The following THSD4 variants were observed in gnomAD, a reference collection of about 807,000 sequenced individuals.
The protein encoded by THSD4 is thrombospondin type 1 domain containing 4.
In THSD4, 69 loss-of-function variants were observed where a neutral mutation model predicts 119.0. The observed-to-expected ratio is 0.58, with a 90% CI of 0.48 to 0.71. The LOEUF is 0.71. THSD4 is among the 30% of genes least tolerant of loss of function. The pLI is 0.00. For missense variants in THSD4, 1,393 were observed against 1,391.1 expected (o/e 1.00, Z -0.02); for synonymous variants, 524 against 540.4 (o/e 0.97, Z 0.42).
rs796995792 is a variant in THSD4 at position 71,600,748 on chromosome 15, C to T, written c.1153-59782C>T. Among the ~76,000 whole-genome samples, 84 of 139,830 alleles carry T rather than the reference C, an allele frequency of 6.0e-4. 1 individual carries two copies. Among genetic ancestry groups the T allele is most frequent in the South Asian group, 2.4e-3 (11 of 4,550 alleles). The allele number at this position is 139,830 out of a possible 152,430, so 91.7% of individuals were successfully genotyped here. ...TGCCTGTCTTTTTTTTTCTTTCTTT[C>T]TTTTTTTTTTTGAGACAGAGTCTTG... On this transcript the variant is annotated intron_variant, in intron 7 of 17. Transcript: ENST00000261862.
chr15:71,591,100 A>G (rs1369634752), intron 7 of THSD4, among the ~76,000 whole-genome samples: 1 of 151,866 alleles, frequency 6.6e-6, no homozygotes, highest in Non-Finnish European at 1.5e-5. Context: ...AGTAATGACA[A>G]TATCTTGTGT....
In THSD4 at chr15:71,291,162, C is replaced by T. The variant is rs78385626; in HGVS notation, c.1015+34447C>T. ...CCTAATCACCCCCATGTAGTTACAA[C>T]TGAACTTTTAAATAGTTATTGTTTA... On this transcript the variant is annotated intron_variant, in intron 6 of 17. Transcript: ENST00000261862. Among the ~76,000 whole-genome samples, 445 of 152,208 alleles carry T rather than the reference C, an allele frequency of 2.9e-3. 1 individual carries two copies. The highest frequency in any genetic ancestry group is 1.0e-2 in the African/African-American group (414 of 41,526).
intron 4 of THSD4, among the ~76,000 whole-genome samples, chr15:71,232,506 C>T (rs1193890764): frequency 1.3e-5 from 2 of 151,844 alleles, no homozygotes; most frequent in African/African-American, 4.8e-5. Context: ...GCAGACTGCC[C>T]CCGAGAGTAC....
intron 6 of THSD4, among the ~76,000 whole-genome samples, chr15:71,310,863 G>A (rs1281503726): frequency 6.6e-6 from 1 of 152,152 alleles, no homozygotes; most frequent in Non-Finnish European, 1.5e-5. Context: ...AGGGGGGCAG[G>A]AGAATGTCAA....
At chr15:71,766,266 G>A (rs958499141) in intron 16 of THSD4, among the ~76,000 whole-genome samples, 6 of 151,950 alleles carry the variant, frequency 3.9e-5, no homozygotes, top group Admixed American at 3.9e-4. Context: ...ATCATTCCAG[G>A]TGACCAGAAA....
chr15:71,623,143 G>A (rs908127943), intron 7 of THSD4, among the ~76,000 whole-genome samples: 2 of 152,160 alleles, frequency 1.3e-5, no homozygotes, highest in African/African-American at 4.8e-5. Context: ...GAATTGGAGG[G>A]AAGGGGTAAT....
At chr15:71,265,596 G>A (rs190022504) in intron 6 of THSD4, among the ~76,000 whole-genome samples, 105 of 152,180 alleles carry the variant, frequency 6.9e-4, no homozygotes, top group Middle Eastern at 3.4e-3. Flanking sequence ...TGGAATGCCA[G>A]TGAGACAAAA....
At chr15:71,385,893 G>A (rs898157768) in intron 6 of THSD4, among the ~76,000 whole-genome samples, 4 of 152,192 alleles carry the variant, frequency 2.6e-5, no homozygotes, top group Non-Finnish European at 5.9e-5. Flanking sequence ...TGTTCATGCT[G>A]TGAGTTTAAC....
In THSD4 at chr15:71,561,863, AACACACACACACACACAC is replaced by A. The variant is rs71154780; in HGVS notation, c.1153-98627_1153-98610del. Among the ~76,000 whole-genome samples, 406 of 130,460 alleles carry A rather than the reference AACACACACACACACACAC, an allele frequency of 3.1e-3. 5 individuals are homozygous for A. Among genetic ancestry groups the A allele is most frequent in the South Asian group, 9.6e-3 (36 of 3,736 alleles). 85.6% of individuals were successfully genotyped at this position (130,460 alleles called of 152,430 possible). ...TGGACCCAGGACTCCTTTTAAAATA[AACACACACACACACACAC>A]ACACACACACACACACACACACACA... On this transcript the variant is annotated intron_variant, in intron 7 of 17. Transcript: ENST00000261862.
chr15:71,272,869 GA>G (rs948323163), intron 6 of THSD4, among the ~76,000 whole-genome samples: 5 of 148,612 alleles, frequency 3.4e-5, no homozygotes, highest in South Asian at 2.1e-4. Flanking sequence ...GTCTCAAAAA[GA>G]AAAAAAAAGA....
chr15:71,333,330 C>A (rs559304448), intron 6 of THSD4, among the ~76,000 whole-genome samples: 1 of 152,180 alleles, frequency 6.6e-6, no homozygotes, highest in South Asian at 2.1e-4. Context: ...GCAGAGTCAA[C>A]CTAAAGCCCC....
intron 7 of THSD4, among the ~76,000 whole-genome samples, chr15:71,455,807 C>G (rs746393154): frequency 6.6e-6 from 1 of 152,160 alleles, no homozygotes; most frequent in Non-Finnish European, 1.5e-5. Context: ...CAAAATTGCT[C>G]TCTTCACCTC....
At chr15:71,237,219 A>G (rs1212601558) in intron 4 of THSD4, among the ~76,000 whole-genome samples, 1 of 152,150 alleles carries the variant, frequency 6.6e-6, no homozygotes, top group Non-Finnish European at 1.5e-5. Context: ...ACTTGGGAGT[A>G]AGACAGAACA....
intron 7 of THSD4, among the ~76,000 whole-genome samples, chr15:71,442,660 G>GTATGTATGTATATATATA (rs1555414328): frequency 3.9e-5 from 1 of 25,824 alleles, no homozygotes; most frequent in Non-Finnish European, 9.2e-5. Context: ...GTGTGTGTGT[G>GTATGTATGTATATATATA]TATATATATA....
At chr15:71,525,130 T>C (rs1049447744) in intron 7 of THSD4, among the ~76,000 whole-genome samples, 3 of 152,142 alleles carry the variant, frequency 2.0e-5, no homozygotes, top group Admixed American at 6.6e-5. Flanking sequence ...TAATATTTAC[T>C]GAGCACTTAT....
chr15:71,628,180 C>T (rs2050544589), intron 7 of THSD4, among the ~76,000 whole-genome samples: 2 of 152,262 alleles, frequency 1.3e-5, no homozygotes, highest in South Asian at 4.1e-4. Context: ...CTAGGATACA[C>T]TCAGGGTTGA....
chr15:71,122,962 T>C (rs11072252), intron 1 of THSD4, among the ~76,000 whole-genome samples: 130,334 of 152,300 alleles, frequency 0.86, 57,515 homozygotes, highest in East Asian at 1. Context: ...GAAATTGCAC[T>C]TGGGAGGCCC....
chr15:71,705,877 C>G (rs1231160421), intron 8 of THSD4, among the ~76,000 whole-genome samples: 1 of 152,122 alleles, frequency 6.6e-6, no homozygotes, highest in African/African-American at 2.4e-5. Context: ...AATACAGAAA[C>G]TGTGACGGTA....
intron 6 of THSD4, among the ~76,000 whole-genome samples, chr15:71,326,771 A>AGGCTGAAGTGGGAGGATCACTTGAGCCC (rs1227168646): frequency 7.7e-6 from 1 of 129,578 alleles, no homozygotes; most frequent in African/African-American, 2.8e-5. Flanking sequence ...GTTACTCAAG[A>AGGCTGAAGTGGGAGGATCACTTGAGCCC]GGCTGAAGTG....
Sources: gnomAD v4.1 joint callset for allele counts (sites outside exome capture counted in the v4.1 genomes callset) on GRCh38, gnomAD v4.1.1 for gene constraint, MANE v1.5 for transcripts, NCBI Gene and HGNC (gene_info 2026-07-23, HGNC 2026-07-21) for gene names.